SLC38A10: variants seen among roughly 807,000 people sequenced by gnomAD.
SLC38A10 encodes Sodium-coupled neutral amino acid transporter 10.
In SLC38A10, 53 loss-of-function variants were observed where a neutral mutation model predicts 81.0. The observed-to-expected ratio is 0.65, with a 90% confidence interval of 0.53 to 0.82. The LOEUF (loss-of-function observed/expected upper bound fraction) is 0.82, where lower values mean the gene tolerates loss of function less well. Among genes scored for constraint, SLC38A10 ranks in the 40% least tolerant of loss-of-function variants. The pLI is 0.00. For synonymous variants in SLC38A10, 665 were observed against 655.3 expected (o/e 1.01, Z -0.23); for missense variants, 1,471 against 1,545.0 (o/e 0.95, Z 0.80).
chr17:81,255,046 G>C (rs576072363), intron 11 of SLC38A10, among the ~76,000 whole-genome samples: 2 of 152,386 alleles, frequency 1.3e-5, no homozygotes, highest in African/African-American at 4.8e-5. Flanking sequence ...TGGGGCTCCA[G>C]GGGGAGCTCT....
intron 14 of SLC38A10, among the ~76,000 whole-genome samples, chr17:81,248,895 C>G (rs777076781): frequency 1.3e-5 from 2 of 152,228 alleles, no homozygotes; most frequent in South Asian, 2.1e-4. Flanking sequence ...CCGGGCCAGA[C>G]GCCTGCCTGC....
At chr17:81,284,095 C>T (rs994145240) in intron 3 of SLC38A10, among the ~76,000 whole-genome samples, 4 of 151,910 alleles carry the variant, frequency 2.6e-5, no homozygotes, top group Admixed American at 6.6e-5. Flanking sequence ...CAGTGGCTCA[C>T]GCCTGTAATC....
chr17:81,283,302 G>A lies in SLC38A10; in HGVS notation c.357+107C>T, dbSNP rs1425107594. 6.0e-6 allele frequency: 6 copies of A among 993,812 alleles called. No individual in the cohort carries two copies. Among genetic ancestry groups the A allele is most frequent in the African/African-American group, 4.9e-5 (3 of 61,776 alleles). The allele number at this position is 993,812 out of a possible 1,614,324, so 61.6% of individuals were successfully genotyped here. A position where few individuals can be genotyped will look rare whatever the true frequency, so the allele number is the denominator to read the frequency against. Reference sequence around the variant, plus strand: ...TAGAATGACAGCAGGCTCGACAGAAGCTTCTCCCGACCAGCACCCAGGTCT... The same window carrying A: ...TAGAATGACAGCAGGCTCGACAGAAACTTCTCCCGACCAGCACCCAGGTCT... On this transcript the variant is annotated intron_variant, in intron 4 of 15. Coordinates refer to ENST00000374759, the MANE Select transcript of SLC38A10 (RefSeq NM_001037984.3). This position sits in a 1 kb window ranked among gnomAD's most constrained non-coding sequence, Gnocchi z 4.7.
chr17:81,250,118 C>T (rs529578023), intron 14 of SLC38A10: 23 of 1,285,918 alleles, frequency 1.8e-5, no homozygotes, highest in East Asian at 1.1e-4. Flanking sequence ...GAGAGGCATA[C>T]GGAAGAAAGG....
Position 81,294,969 on chromosome 17 carries a change from G to A in SLC38A10, c.-48C>T. On this transcript the variant is annotated 5_prime_UTR_variant, in exon 1 of 16. Coordinates refer to ENST00000374759, the MANE Select transcript of SLC38A10 (RefSeq NM_001037984.3). ...GGCGAGAGGCCTCGGGGGTCGCCGG[G>A]CTGCGGCCGGCTTTGGAAGCCCAGC... The A allele has an allele frequency of 1.3e-6, 2 of 1,524,210 alleles. No homozygotes were observed. Among genetic ancestry groups the A allele is most frequent in the Non-Finnish European group, 1.8e-6 (2 of 1,137,794 alleles). The allele number at this position is 1,524,210 out of a possible 1,614,324, so 94.4% of individuals were successfully genotyped here.
At chr17:81,254,638 G>A (rs2062956009) in intron 11 of SLC38A10, among the ~76,000 whole-genome samples, 1 of 152,264 alleles carries the variant, frequency 6.6e-6, no homozygotes, top group East Asian at 1.9e-4. Context: ...TAGAGACAGG[G>A]TTTCACCACG....
Position 81,260,237 on chromosome 17 carries a change from C to T in SLC38A10, c.1288+1G>A, listed in dbSNP as rs758603798. 4 of 1,599,304 alleles carry T rather than the reference C, an allele frequency of 2.5e-6. No individual in the cohort carries two copies. The highest frequency in any genetic ancestry group is 3.5e-5 in the Admixed American group (2 of 57,590). On this transcript the variant is annotated splice_donor_variant, in intron 11 of 15. Transcript: ENST00000374759. LOFTEE classifies it high-confidence loss of function. ...GGCTCAGAGAGCCAGGGTGGGCATA[C>T]CTGAGAGCCGCGCTGCCTCCACCTT...
chr17:81,280,485 A>C, intron 6 of SLC38A10, 124 bp downstream of exon 6: 1 of 1,424,184 alleles, frequency 7.0e-7, no homozygotes, highest in Non-Finnish European at 9.5e-7. Context: ...TCACTGAACA[A>C]GACATCACTC....
At chr17:81,255,377 G>A (rs2062962747) in intron 11 of SLC38A10, among the ~76,000 whole-genome samples, 1 of 152,270 alleles carries the variant, frequency 6.6e-6, no homozygotes. Flanking sequence ...CTTGGCTGCA[G>A]TAAAACTAAC....
chr17:81,252,678 CAAT>C lies in SLC38A10; in HGVS notation c.1459_1461del (p.Ile487del). 6.3e-7 allele frequency: 1 copy of C among 1,599,212 alleles called. No homozygotes were observed. ...CGGTGGGCCTCGCCCACAGGCACAGCAATCCCTGCAAGGGCACGGGGGACAGAT... is the reference window on the plus strand; with the variant it reads ...CGGTGGGCCTCGCCCACAGGCACAGCCCCTGCAAGGGCACGGGGGACAGAT... On this transcript the variant is annotated inframe_deletion and splice_region_variant, in exon 13 of 16. Transcript: ENST00000374759.
Position 81,270,962 on chromosome 17 carries a change from C to G in SLC38A10, c.1087G>C (p.Ala363Pro). The change falls in exon 10 of 16, where the codon GCG becomes CCG. Residue 363 changes from alanine to proline, a missense_variant. Physicochemically the swap from Ala to Pro is conservative, Grantham distance 27. This residue lies in a region of SLC38A10 where 720 missense variants were observed against 827.7 expected (regional missense o/e 0.87). Transcript: ENST00000374759. This position sits in a 1 kb window ranked among gnomAD's most constrained non-coding sequence, Gnocchi z 4.0. ...TTGTGGATTTTCTTGTAGATCAGCG[C>G]CGGGCAGATGAAGCAGATGAGGCTT... ...MGSLICFICPALIYKKIHKNA... is the reference protein window; with the variant it reads ...MGSLICFICPPLIYKKIHKNA... 1 of 1,613,906 alleles carries G rather than the reference C, an allele frequency of 6.2e-7. No individual in the cohort carries two copies. The highest frequency in any genetic ancestry group is 8.5e-7 in the Non-Finnish European group (1 of 1,180,016).
Position 81,245,800 on chromosome 17 carries a change from C to T in SLC38A10, c.3116G>A (p.Arg1039Gln), listed in dbSNP as rs377302625. Residue 1039 changes from arginine to glutamine, a missense_variant, in exon 16 of 16, where the codon CGG becomes CAG. Physicochemically the swap from Arg to Gln is conservative, Grantham distance 43. Around this residue, in one of 2 missense-constraint regions of SLC38A10, gnomAD observed 751 missense variants for 717.4 expected, o/e 1.05. Transcript: ENST00000374759. ...GQRPDNAKPN[R>Q]DLKLQAGSDL... The stretch of plus-strand genomic sequence containing the variant: ...GGAGCCAGCCTGCAGTTTCAGGTCC[C>T]GGTTGGGCTTGGCATTGTCCGGCCT... 27 of 1,604,544 alleles carry T rather than the reference C, an allele frequency of 1.7e-5. No homozygotes were observed. Among genetic ancestry groups the T allele is most frequent in the African/African-American group, 1.2e-4 (9 of 74,782 alleles).
rs1387748422 is a variant in SLC38A10 at position 81,277,184 on chromosome 17, C to A, written c.627-51G>T. On this transcript the variant is annotated intron_variant, in intron 6 of 15. Transcript: ENST00000374759. The surrounding 1 kb of genome is among the most constrained non-coding windows in gnomAD (Gnocchi z 4.5). ...GCGGACCTGAGAGAGGCACGCCCTC[C>A]CCAGCGGCTCCACTTCTAGGACCTC... 13 of 1,538,254 alleles carry A rather than the reference C, an allele frequency of 8.5e-6. No homozygotes were observed. Among genetic ancestry groups the A allele is most frequent in the Non-Finnish European group, 1.1e-5 (12 of 1,115,084 alleles).
chr17:81,260,169 G>T (rs1402906267), intron 11 of SLC38A10, 69 bp downstream of exon 11: 3 of 1,509,698 alleles, frequency 2.0e-6, no homozygotes, highest in East Asian at 4.8e-5. Flanking sequence ...CACAATCCTC[G>T]GACCAGACCC....
At chr17:81,293,989 T>C (rs941453653) in intron 1 of SLC38A10, among the ~76,000 whole-genome samples, 1 of 152,218 alleles carries the variant, frequency 6.6e-6, no homozygotes, top group Non-Finnish European at 1.5e-5. Flanking sequence ...TGGTAACGTC[T>C]GCACACATTA....
At chr17:81,247,789 C>T (rs559029560) in intron 14 of SLC38A10, among the ~76,000 whole-genome samples, 6 of 151,526 alleles carry the variant, frequency 4.0e-5, no homozygotes, top group Non-Finnish European at 8.8e-5. Flanking sequence ...TGCAGTGAGC[C>T]GTGATCACAC....
At chr17:81,285,048 G>C (rs963916623) in intron 2 of SLC38A10, 153 bp from the exon 3 acceptor site, 23 of 541,558 alleles carry the variant, frequency 4.2e-5, no homozygotes, top group African/African-American at 3.7e-4. Context: ...CTGGCTGCCA[G>C]GTTATTTTTG....
rs1177703372 is a variant in SLC38A10 at position 81,249,336 on chromosome 17, A to G, written c.2065+2157T>C. ...AGGAGGGAAGAGGAGGAAGGAGGGAAGAGGAGGAAGGAGGGAAGAGGAGGA... is the reference window on the plus strand; with the variant it reads ...AGGAGGGAAGAGGAGGAAGGAGGGAGGAGGAGGAAGGAGGGAAGAGGAGGA... On this transcript the variant is annotated intron_variant, in intron 14 of 15. Coordinates refer to ENST00000374759, the MANE Select transcript of SLC38A10 (RefSeq NM_001037984.3). Among the ~76,000 whole-genome samples the G allele has an allele frequency of 1.9e-3, 6 of 3,100 alleles. 1 individual carries two copies. Among genetic ancestry groups the G allele is most frequent in the African/African-American group, 9.3e-3 (4 of 430 alleles). The allele number at this position is 3,100 out of a possible 152,430, so 2.0% of individuals were successfully genotyped here. A position where few individuals can be genotyped will look rare whatever the true frequency, so the allele number is the denominator to read the frequency against.
chr17:81,251,118 T>G (rs1437522273), intron 14 of SLC38A10: 2 of 1,509,290 alleles, frequency 1.3e-6, no homozygotes, highest in Non-Finnish European at 1.8e-6. Flanking sequence ...CGCCCACACC[T>G]GGCTGGCTTT....
Sources: gnomAD v4.1 joint callset for allele counts (sites outside exome capture counted in the v4.1 genomes callset) on GRCh38, gnomAD v4.1.1 for gene constraint, gnomAD v4.1.1 regional missense constraint, Gnocchi (gnomAD v3.1) non-coding constraint, MANE v1.5 for transcripts, NCBI Gene and HGNC (gene_info 2026-07-23, HGNC 2026-07-21) for gene names.